Variants in CHMP4B observed in about 807,000 individuals in gnomAD.
The protein encoded by CHMP4B is SNF7 homolog associated with Alix 1.
A neutral mutation model predicts 25.1 loss-of-function variants in CHMP4B; 1 was observed. That is an observed-to-expected ratio of 0.04 (90% CI 0.01 to 0.19). The LOEUF (loss-of-function observed/expected upper bound fraction) is 0.19, where lower values mean the gene tolerates loss of function less well. Ranked by LOEUF, CHMP4B falls within the 10% of genes least tolerant of loss-of-function variation. CHMP4B has a pLI of 1.00. For missense variants in CHMP4B, 151 were observed against 289.7 expected, an observed-to-expected ratio of 0.52 and a Z score of 3.48; for synonymous variants, 101 against 115.6, an observed-to-expected ratio of 0.87 and a Z score of 0.81.
intron 1 of CHMP4B, among the ~76,000 whole-genome samples, chr20:33,844,923 T>A (rs1453701677): frequency 6.6e-6 from 1 of 152,034 alleles, no homozygotes; most frequent in East Asian, 1.9e-4. Context: ...CACACCCGGC[T>A]AATTTTTTTG....
In CHMP4B at chr20:33,854,173, T is replaced by G. The variant is rs1034930904; in HGVS notation, c.*613T>G. On this transcript the variant is annotated 3_prime_UTR_variant, in exon 5 of 5. Coordinates refer to ENST00000217402, the MANE Select transcript of CHMP4B (RefSeq NM_176812.5). ...TGGAGTTTGTGACATTGATTTGAAA[T>G]GGATGGTGTTCTCTTGAGAGCAAGT... 4 of 157,074 alleles carry G rather than the reference T, an allele frequency of 2.5e-5. No individual in the cohort carries two copies. Among genetic ancestry groups the G allele is most frequent in the Non-Finnish European group, 5.7e-5 (4 of 70,730 alleles). The allele number at this position is 157,074 out of a possible 1,614,324, so 9.7% of individuals were successfully genotyped here. A position where few individuals can be genotyped will look rare whatever the true frequency, so the allele number is the denominator to read the frequency against.
At chr20:33,847,481 G>A (rs1023568432) in intron 1 of CHMP4B, among the ~76,000 whole-genome samples, 2 of 152,116 alleles carry the variant, frequency 1.3e-5, no homozygotes, top group African/African-American at 4.8e-5. Flanking sequence ...TGTGAAGAGT[G>A]GAACTGAGAC....
intron 1 of CHMP4B, among the ~76,000 whole-genome samples, chr20:33,811,920 C>G (rs1978633026): frequency 6.6e-6 from 1 of 152,166 alleles, no homozygotes; most frequent in South Asian, 2.1e-4. Context: ...CCCAATCTCA[C>G]AGCACTTTCC....
chr20:33,835,184 C>T (rs1362624375), intron 1 of CHMP4B, among the ~76,000 whole-genome samples: 3 of 152,164 alleles, frequency 2.0e-5, no homozygotes, highest in Non-Finnish European at 4.4e-5. Context: ...TTGCTAGCAT[C>T]GTTTTCTATG....
rs538427753 is a variant in CHMP4B at position 33,842,305 on chromosome 20, C to T, written c.191-6162C>T. Among the ~76,000 whole-genome samples the T allele has an allele frequency of 3.9e-5, 6 of 152,122 alleles. 1 individual carries two copies. In the South Asian group the frequency reaches 6.2e-4, roughly 16 times the overall value. On this transcript the variant is annotated intron_variant, in intron 1 of 4. Coordinates refer to ENST00000217402, the MANE Select transcript of CHMP4B (RefSeq NM_176812.5). ...TTGGGCATGTTCAGGGTGGTATGGCCGTAGACTTGATTTTGGGTCTTTTCT... is the reference window on the plus strand; with the variant it reads ...TTGGGCATGTTCAGGGTGGTATGGCTGTAGACTTGATTTTGGGTCTTTTCT...
chr20:33,829,340 G>T (rs1979179049), intron 1 of CHMP4B, among the ~76,000 whole-genome samples: 1 of 152,212 alleles, frequency 6.6e-6, no homozygotes, highest in African/African-American at 2.4e-5. Context: ...TACTTGGAGA[G>T]GTGCAGGCCC....
At chr20:33,811,683 C>G (rs1163282740) in intron 1 of CHMP4B, 25 bp downstream of exon 1, 3 of 1,608,860 alleles carry the variant, frequency 1.9e-6, no homozygotes, top group Non-Finnish European at 2.5e-6. Flanking sequence ...CCCCTTCAGA[C>G]TTGCCACGGG....
chr20:33,814,047 C>T (rs968627823), intron 1 of CHMP4B, among the ~76,000 whole-genome samples: 2 of 152,144 alleles, frequency 1.3e-5, no homozygotes, highest in African/African-American at 2.4e-5. Flanking sequence ...GCAGTTTTGG[C>T]GATCGAATTG....
At chr20:33,830,419 G>A (rs934742256) in intron 1 of CHMP4B, among the ~76,000 whole-genome samples, 1 of 152,174 alleles carries the variant, frequency 6.6e-6, no homozygotes, top group Non-Finnish European at 1.5e-5. Flanking sequence ...CCATAGACTG[G>A]GTGGTTTAAG....
At chr20:33,824,971 G>T (rs971500907) in intron 1 of CHMP4B, among the ~76,000 whole-genome samples, 8 of 152,192 alleles carry the variant, frequency 5.3e-5, no homozygotes, top group Non-Finnish European at 1.0e-4. Context: ...GCAGGGCTGG[G>T]TGGAGCCTGC....
intron 1 of CHMP4B, among the ~76,000 whole-genome samples, chr20:33,822,120 C>T (rs780009074): frequency 6.6e-5 from 10 of 151,690 alleles, no homozygotes; most frequent in African/African-American, 9.7e-5. Flanking sequence ...CTGCTGCACA[C>T]GGCCTATTGC....
In CHMP4B at chr20:33,853,697, C is replaced by A; in HGVS notation, c.*137C>A. ...GACTCTCACTCCAAAGCAGTAGGGCCGCGTTGCTGCTCACTCTCTGCATAG... is the reference window on the plus strand; with the variant it reads ...GACTCTCACTCCAAAGCAGTAGGGCAGCGTTGCTGCTCACTCTCTGCATAG... On this transcript the variant is annotated 3_prime_UTR_variant, in exon 5 of 5. Coordinates refer to ENST00000217402, the MANE Select transcript of CHMP4B (RefSeq NM_176812.5). The A allele has an allele frequency of 1.7e-6, 1 of 601,896 alleles. No homozygotes were observed. The highest frequency in any genetic ancestry group is 1.5e-5 in the South Asian group (1 of 66,004). 37.3% of individuals were successfully genotyped at this position (601,896 alleles called of 1,614,324 possible). A position where few individuals can be genotyped will look rare whatever the true frequency, so the allele number is the denominator to read the frequency against.
intron 1 of CHMP4B, among the ~76,000 whole-genome samples, chr20:33,839,398 C>A (rs1311614735): frequency 6.6e-6 from 1 of 152,140 alleles, no homozygotes; most frequent in East Asian, 1.9e-4. Context: ...GGGAAGAAGA[C>A]ATTTATTCTT....
intron 4 of CHMP4B, 33 bp from the exon 5 acceptor site, chr20:33,853,463 T>C: frequency 6.2e-7 from 1 of 1,604,082 alleles, no homozygotes; most frequent in Non-Finnish European, 8.5e-7. Context: ...AACGCACCAG[T>C]CATCCTAAAT....
intron 1 of CHMP4B, among the ~76,000 whole-genome samples, chr20:33,840,000 T>C (rs1979490675): frequency 6.6e-6 from 1 of 152,184 alleles, no homozygotes; most frequent in Non-Finnish European, 1.5e-5. Context: ...AGGAAGCTTC[T>C]CATAAATGTT....
intron 1 of CHMP4B, among the ~76,000 whole-genome samples, chr20:33,822,365 G>A (rs1225390296): frequency 6.6e-6 from 1 of 152,020 alleles, no homozygotes; most frequent in East Asian, 1.9e-4. Flanking sequence ...GGCTGGTCTC[G>A]AACTCCTGAC....
At chr20:33,835,254 CTT>C (rs1979361590) in intron 1 of CHMP4B, among the ~76,000 whole-genome samples, 1 of 152,102 alleles carries the variant, frequency 6.6e-6, no homozygotes, top group Non-Finnish European at 1.5e-5. Context: ...TTTGTCTGCT[CTT>C]AACATTTTAT....
At chr20:33,840,394 T>C (rs1055349505) in intron 1 of CHMP4B, among the ~76,000 whole-genome samples, 1 of 152,042 alleles carries the variant, frequency 6.6e-6, no homozygotes, top group Non-Finnish European at 1.5e-5. Context: ...GTTTGCATAG[T>C]GATTATCTTT....
intron 1 of CHMP4B, among the ~76,000 whole-genome samples, chr20:33,839,972 G>A (rs1979489400): frequency 6.6e-6 from 1 of 152,186 alleles, no homozygotes; most frequent in Admixed American, 6.5e-5. Flanking sequence ...TGCCATGAAA[G>A]CACCAATCAT....
Sources: gnomAD v4.1 joint callset for allele counts (sites outside exome capture counted in the v4.1 genomes callset) on GRCh38, gnomAD v4.1.1 for gene constraint, MANE v1.5 for transcripts, NCBI Gene and HGNC (gene_info 2026-07-23, HGNC 2026-07-21) for gene names.